NECTIN4: variants seen among roughly 807,000 people sequenced by gnomAD.
The protein encoded by NECTIN4 is nectin cell adhesion molecule 4.
In NECTIN4, 19 loss-of-function variants were observed where a neutral mutation model predicts 51.7. The observed-to-expected ratio is 0.37, with a 90% CI of 0.26 to 0.54. NECTIN4 has a LOEUF of 0.54. Ranked by LOEUF, NECTIN4 falls within the 20% of genes least tolerant of loss-of-function variation. NECTIN4 has a pLI of 0.86. For synonymous variants in NECTIN4, 283 were observed against 286.9 expected, an observed-to-expected ratio of 0.99 and a Z score of 0.14; for missense variants, 619 against 662.4, an observed-to-expected ratio of 0.93 and a Z score of 0.72.
intron 1 of NECTIN4, among the ~76,000 whole-genome samples, chr1:161,085,275 G>A (rs1021374823): frequency 2.0e-5 from 3 of 152,074 alleles, no homozygotes; most frequent in African/African-American, 7.3e-5. Flanking sequence ...TGAGAACAAT[G>A]GGGAGGACAG....
intron 4 of NECTIN4, among the ~76,000 whole-genome samples, chr1:161,075,731 C>A (rs1203261281): frequency 6.6e-6 from 1 of 151,932 alleles, no homozygotes; most frequent in African/African-American, 2.4e-5. Flanking sequence ...AAGATCGCAC[C>A]ACTGCACTCC....
intron 1 of NECTIN4, among the ~76,000 whole-genome samples, chr1:161,082,477 A>C (rs188417738): frequency 6.6e-6 from 1 of 152,158 alleles, no homozygotes; most frequent in East Asian, 1.9e-4. Flanking sequence ...CAGAGGAAAA[A>C]AATAGGGATG....
intron 1 of NECTIN4, among the ~76,000 whole-genome samples, chr1:161,088,227 C>T (rs1654036048): frequency 6.6e-6 from 1 of 152,138 alleles, no homozygotes; most frequent in Non-Finnish European, 1.5e-5. Context: ...ACTGCCAGAT[C>T]TTGCTGGGCA....
At chr1:161,077,390 T>C in intron 3 of NECTIN4, 63 bp downstream of exon 3, 8 of 1,582,978 alleles carry the variant, frequency 5.1e-6, no homozygotes, top group Non-Finnish European at 6.1e-6. Flanking sequence ...CAGGGACCTG[T>C]GGCATCTCAC....
rs1654075601 is a variant in NECTIN4 at position 161,089,105 on chromosome 1, CAAAG to C, written c.79+109_79+112del. The stretch of plus-strand genomic sequence containing the variant: ...AGAGACTGGATCCTCAGTTCAGAGT[CAAAG>C]AAAGGAGGATATGTGTGTGCGTGCG... On this transcript the variant is annotated intron_variant, in intron 1 of 8. Transcript: ENST00000368012. This position sits in a 1 kb window ranked among gnomAD's most constrained non-coding sequence, Gnocchi z 4.1. 9.9e-7 allele frequency: 1 copy of C among 1,005,544 alleles called. No homozygotes were observed. The highest frequency in any genetic ancestry group is 1.6e-6 in the Non-Finnish European group (1 of 635,914). The allele number at this position is 1,005,544 out of a possible 1,614,324, so 62.3% of individuals were successfully genotyped here. A position where few individuals can be genotyped will look rare whatever the true frequency, so the allele number is the denominator to read the frequency against.
rs550780606 is a variant in NECTIN4 at position 161,089,477 on chromosome 1, C to A, written c.-181G>T. The A allele has an allele frequency of 7.9e-6, 5 of 632,432 alleles. No homozygotes were observed. Among genetic ancestry groups the A allele is most frequent in the Non-Finnish European group, 1.1e-5 (4 of 351,390 alleles). The allele number at this position is 632,432 out of a possible 1,614,324, so 39.2% of individuals were successfully genotyped here. ...CCCGGCCCCGTTCTACACACCCAGC[C>A]GTAGCTACCCCCAAGAAGCCGTGAT... On this transcript the variant is annotated 5_prime_UTR_variant, in exon 1 of 9. Transcript: ENST00000368012. The surrounding 1 kb of genome is among the most constrained non-coding windows in gnomAD (Gnocchi z 4.1).
At chr1:161,078,023 T>G (rs1213314936) in intron 2 of NECTIN4, among the ~76,000 whole-genome samples, 1 of 152,218 alleles carries the variant, frequency 6.6e-6, no homozygotes, top group Non-Finnish European at 1.5e-5. Flanking sequence ...AACCACCATC[T>G]AGTAAGCATT....
intron 1 of NECTIN4, among the ~76,000 whole-genome samples, chr1:161,086,233 A>T (rs1653938245): frequency 6.6e-6 from 1 of 152,172 alleles, no homozygotes; most frequent in Admixed American, 6.5e-5. Context: ...TGATGGAATC[A>T]TGAACTCTAA....
intron 1 of NECTIN4, among the ~76,000 whole-genome samples, chr1:161,083,441 C>G (rs992696789): frequency 1.3e-5 from 2 of 152,212 alleles, no homozygotes; most frequent in Non-Finnish European, 2.9e-5. Flanking sequence ...ATGATGTCAT[C>G]AGACCAAAGG....
intron 1 of NECTIN4, among the ~76,000 whole-genome samples, chr1:161,083,435 T>C (rs1005289369): frequency 1.3e-5 from 2 of 152,200 alleles, no homozygotes; most frequent in Non-Finnish European, 2.9e-5. Context: ...AGCATGATGA[T>C]GTCATCAGAC....
chr1:161,085,479 G>A (rs1318422398), intron 1 of NECTIN4, among the ~76,000 whole-genome samples: 1 of 151,944 alleles, frequency 6.6e-6, no homozygotes, highest in Non-Finnish European at 1.5e-5. Flanking sequence ...CACCCACCAT[G>A]GCCAGCTCTG....
In NECTIN4 at chr1:161,072,041, T is replaced by C. The variant is rs1653188586; in HGVS notation, c.*620A>G. The C allele has an allele frequency of 5.9e-6, 1 of 170,028 alleles. No homozygotes were observed. The highest frequency in any genetic ancestry group is 1.3e-5 in the Non-Finnish European group (1 of 77,364). The allele number at this position is 170,028 out of a possible 1,614,324, so 10.5% of individuals were successfully genotyped here. A position where few individuals can be genotyped will look rare whatever the true frequency, so the allele number is the denominator to read the frequency against. On this transcript the variant is annotated 3_prime_UTR_variant, in exon 9 of 9. Coordinates refer to ENST00000368012, the MANE Select transcript of NECTIN4 (RefSeq NM_030916.3). ...GGGCTTCTGTAACAGTTCAAGCCTC[T>C]GGCTGACCCAGGGACTGGCTGCTTC...
Position 161,079,801 on chromosome 1 carries a change from G to A in NECTIN4, c.228C>T (p.Ala76=). 2 of 1,613,438 alleles carry A rather than the reference G, an allele frequency of 1.2e-6. No individual in the cohort carries two copies. The highest frequency in any genetic ancestry group is 1.7e-6 in the Non-Finnish European group (2 of 1,179,990). ...AWARVDAGEG[A]QELALLHSKY... ...TGGAGTGCAGTAGCGCTAGTTCCTG[G>A]GCGCCTTCGCCCGCGTCCACCCGAG... Residue 76 remains alanine (A), a synonymous_variant, in exon 2 of 9, where the codon GCC becomes GCT. Transcript: ENST00000368012.
At chr1:161,082,084 T>A (rs1388811576) in intron 1 of NECTIN4, among the ~76,000 whole-genome samples, 3 of 151,882 alleles carry the variant, frequency 2.0e-5, no homozygotes, top group Non-Finnish European at 4.4e-5. Flanking sequence ...ATCCCAGCAC[T>A]TTGGGAAGCT....
At position 161,076,250 on chromosome 1, in the gene NECTIN4, T is replaced by C. The variant is rs1032440057; in HGVS notation, c.851+105A>G. On this transcript the variant is annotated intron_variant, in intron 4 of 8. Transcript: ENST00000368012. Reference sequence around the variant, plus strand: ...GATCTGAACACATACCCCAATTTATTTGGGGGCTCAGAATATGTTGTCCCA... The same window carrying C: ...GATCTGAACACATACCCCAATTTATCTGGGGGCTCAGAATATGTTGTCCCA... 1.7e-5 allele frequency: 22 copies of C among 1,307,282 alleles called. No individual in the cohort carries two copies. In the African/African-American group the frequency reaches 2.0e-4, roughly 12 times the overall value. 81.0% of individuals were successfully genotyped at this position (1,307,282 alleles called of 1,614,324 possible).
chr1:161,074,850 C>T (rs536980186), intron 4 of NECTIN4, 91 bp from the exon 5 acceptor site: 1 of 1,399,472 alleles, frequency 7.1e-7, no homozygotes, highest in African/African-American at 1.4e-5. Context: ...CCCTCCACCC[C>T]CATGACGTCA....
chr1:161,075,808 T>G (rs1165177687), intron 4 of NECTIN4, among the ~76,000 whole-genome samples: 1 of 151,594 alleles, frequency 6.6e-6, no homozygotes, highest in Non-Finnish European at 1.5e-5. Context: ...CTGGGCGTGG[T>G]GGCTCACGCC....
rs371803246 is a variant in NECTIN4 at position 161,076,322 on chromosome 1, C to A, written c.851+33G>T. The A allele has an allele frequency of 1.8e-5, 29 of 1,613,404 alleles. No individual in the cohort carries two copies. The African/African-American group carries it at 3.9e-4, about 22-fold the overall frequency. On this transcript the variant is annotated intron_variant, in intron 4 of 8. Transcript: ENST00000368012. ...CCCTGAGAGGGGAGGAACCTAGTCT[C>A]AAGTTAGGCCTTCCTCAGGCTCGGG... is the stretch of plus-strand genomic sequence containing the variant.
At chr1:161,080,473 G>A (rs748893619) in intron 1 of NECTIN4, among the ~76,000 whole-genome samples, 1 of 152,210 alleles carries the variant, frequency 6.6e-6, no homozygotes. Flanking sequence ...CTGGAATGGG[G>A]CACATAGGGT....
Sources: gnomAD v4.1 joint callset for allele counts (sites outside exome capture counted in the v4.1 genomes callset) on GRCh38, gnomAD v4.1.1 for gene constraint, Gnocchi (gnomAD v3.1) non-coding constraint, MANE v1.5 for transcripts, NCBI Gene and HGNC (gene_info 2026-07-23, HGNC 2026-07-21) for gene names.